The following COLGALT2 variants were observed in gnomAD, a reference collection of about 807,000 sequenced individuals.
The protein encoded by COLGALT2 is collagen beta(1-O)galactosyltransferase 2, also known as procollagen galactosyltransferase 2.
In COLGALT2, 49 loss-of-function variants were observed where a neutral mutation model predicts 73.4. The ratio of observed to expected loss-of-function variants is 0.67; its 90% CI spans 0.53 to 0.85. The LOEUF (loss-of-function observed/expected upper bound fraction) is 0.85, where lower values mean the gene tolerates loss of function less well. Ranked by LOEUF, COLGALT2 falls within the 40% of genes least tolerant of loss-of-function variation. The pLI is 0.00. For missense variants in COLGALT2, 722 were observed against 790.2 expected (o/e 0.91, Z 1.03); for synonymous variants, 295 against 307.6 (o/e 0.96, Z 0.43).
chr1:183,954,324 A>C (rs1386580497), intron 7 of COLGALT2, among the ~76,000 whole-genome samples: 1 of 151,638 alleles, frequency 6.6e-6, no homozygotes, highest in Non-Finnish European at 1.5e-5. Flanking sequence ...ACCTTTTTCC[A>C]TGGAAGAATA....
intron 1 of COLGALT2, among the ~76,000 whole-genome samples, chr1:183,993,259 G>A (rs1308529932): frequency 1.3e-5 from 2 of 152,224 alleles, no homozygotes; most frequent in Non-Finnish European, 2.9e-5. Context: ...TTGGTATTAA[G>A]CTGCTGAAGG....
chr1:183,957,889 C>T (rs950338980), intron 6 of COLGALT2, among the ~76,000 whole-genome samples: 3 of 148,520 alleles, frequency 2.0e-5, no homozygotes, highest in East Asian at 4.1e-4. Flanking sequence ...CAGTTTTAGA[C>T]ATAACTTCAA....
chr1:184,028,614 G>A, intron 1 of COLGALT2, among the ~76,000 whole-genome samples: 1 of 152,166 alleles, frequency 6.6e-6, no homozygotes, highest in East Asian at 1.9e-4. Context: ...AACCTGGAAG[G>A]TAATGAACTA....
intron 1 of COLGALT2, among the ~76,000 whole-genome samples, chr1:184,024,626 C>T (rs1298833598): frequency 1.3e-5 from 2 of 149,408 alleles, no homozygotes; most frequent in Non-Finnish European, 3.0e-5. Flanking sequence ...TCTGGGTTTA[C>T]AGGCGTGAGC....
At chr1:183,932,365 C>T (rs1035142246), downstream of COLGALT2, among the ~76,000 whole-genome samples, 1 of 152,114 alleles carries the variant, frequency 6.6e-6, no homozygotes, top group East Asian at 1.9e-4. Flanking sequence ...ACACAGCACA[C>T]GTAGGGAAAG....
At chr1:183,986,782 G>T (rs935760484) in intron 1 of COLGALT2, among the ~76,000 whole-genome samples, 1 of 152,000 alleles carries the variant, frequency 6.6e-6, no homozygotes, top group Non-Finnish European at 1.5e-5. Context: ...TATTTCCCCT[G>T]TTATAGAAAA....
rs1027702791 is a variant in COLGALT2, at chr1:183,957,496, C to T, written c.953-2658G>A. Among the ~76,000 whole-genome samples, 112 of 152,204 alleles carry T rather than the reference C, an allele frequency of 7.4e-4. 1 individual carries two copies. Among genetic ancestry groups the T allele is most frequent in the Admixed American group, 2.5e-3 (38 of 15,274 alleles). ...AGATTGTACTTGGATCAAATCCTAC[C>T]GCTTCTTCTCTATAATTTCTCCTGA... On this transcript the variant is annotated intron_variant, in intron 6 of 11. Coordinates refer to ENST00000361927, the MANE Select transcript of COLGALT2 (RefSeq NM_015101.4).
chr1:183,942,980 A>G (rs1041994504), intron 10 of COLGALT2, among the ~76,000 whole-genome samples: 2 of 152,234 alleles, frequency 1.3e-5, no homozygotes, highest in Non-Finnish European at 2.9e-5. Flanking sequence ...GTGGACATCA[A>G]GTAGCTTCCA....
chr1:183,962,004 A>C (rs1670715206), intron 6 of COLGALT2, among the ~76,000 whole-genome samples: 1 of 152,176 alleles, frequency 6.6e-6, no homozygotes, highest in African/African-American at 2.4e-5. Flanking sequence ...ACCACGTGAC[A>C]GACAATGTGC....
downstream of COLGALT2, chr1:183,935,712 T>C (rs1669933266): frequency 5.9e-6 from 2 of 339,176 alleles, no homozygotes; most frequent in Non-Finnish European, 8.4e-6. Flanking sequence ...TCATTTGCCA[T>C]GGGGATCACA....
At chr1:183,945,621 G>A in intron 8 of COLGALT2, 57 bp from the exon 9 acceptor site, 1 of 1,598,130 alleles carries the variant, frequency 6.3e-7, no homozygotes, top group Non-Finnish European at 8.5e-7. Context: ...CACCACAAAG[G>A]CCAGAGAAAG....
At chr1:184,023,957 A>G (rs1273187093) in intron 1 of COLGALT2, among the ~76,000 whole-genome samples, 3 of 152,202 alleles carry the variant, frequency 2.0e-5, no homozygotes, top group East Asian at 3.8e-4. Context: ...CAATTTTTAT[A>G]TAGATATGAA....
chr1:183,947,355 T>C (rs1002665392), intron 8 of COLGALT2, among the ~76,000 whole-genome samples: 5 of 152,060 alleles, frequency 3.3e-5, no homozygotes, highest in African/African-American at 9.7e-5. Context: ...ATAAAGACCA[T>C]ATAGGTCATA....
intron 6 of COLGALT2, among the ~76,000 whole-genome samples, chr1:183,960,418 G>T (rs530515478): frequency 6.6e-6 from 1 of 152,126 alleles, no homozygotes. Context: ...GATCACACAG[G>T]CCATAGCAAT....
chr1:184,037,141 C>T lies in COLGALT2; in HGVS notation c.217G>A (p.Gly73Ser). Reference sequence around the variant, plus strand: ...GGGTAGTCCAGCCGCTCCAGGCAGCCGAGGAAGTGCGGCAGCGTGTGCGCC... The same window carrying T: ...GGGTAGTCCAGCCGCTCCAGGCAGCTGAGGAAGTGCGGCAGCGTGTGCGCC... ...NAAHTLPHFL[G>S]CLERLDYPKS... Residue 73 changes from glycine (G) to serine (S), a missense_variant, in exon 1 of 12, where the codon GGC becomes AGC. Transcript: ENST00000361927. 1 of 1,599,732 alleles carries T rather than the reference C, an allele frequency of 6.3e-7. No individual in the cohort carries two copies. The highest frequency in any genetic ancestry group is 8.5e-7 in the Non-Finnish European group (1 of 1,174,880).
chr1:184,010,136 A>G (rs1307516951), intron 1 of COLGALT2, among the ~76,000 whole-genome samples: 2 of 152,204 alleles, frequency 1.3e-5, no homozygotes, highest in Non-Finnish European at 2.9e-5. Context: ...TACAGGGACC[A>G]GCCAGTCATG....
At chr1:184,001,828 C>A (rs1671934821) in intron 1 of COLGALT2, among the ~76,000 whole-genome samples, 1 of 152,234 alleles carries the variant, frequency 6.6e-6, no homozygotes, top group Non-Finnish European at 1.5e-5. Flanking sequence ...CTGCTTCTTA[C>A]TCCCTGAATC....
At chr1:183,993,954 G>A (rs1671698958) in intron 1 of COLGALT2, among the ~76,000 whole-genome samples, 3 of 149,808 alleles carry the variant, frequency 2.0e-5, no homozygotes, top group Non-Finnish European at 4.4e-5. Context: ...CAGAAGAGAA[G>A]CCTTTTGGTA....
chr1:184,023,679 A>G (rs113243247), intron 1 of COLGALT2, among the ~76,000 whole-genome samples: 8 of 152,000 alleles, frequency 5.3e-5, no homozygotes, highest in African/African-American at 1.9e-4. Context: ...ATTCTAGGGA[A>G]GACTTGCACT....
Sources: gnomAD v4.1 joint callset for allele counts (sites outside exome capture counted in the v4.1 genomes callset) on GRCh38, gnomAD v4.1.1 for gene constraint, MANE v1.5 for transcripts, NCBI Gene and HGNC (gene_info 2026-07-23, HGNC 2026-07-21) for gene names.